The following SIPA1L1 variants were observed in gnomAD, a reference collection of about 807,000 sequenced individuals.
SIPA1L1 encodes signal-induced proliferation-associated 1-like protein 1.
SIPA1L1 carries 26 observed loss-of-function variants against 162.7 expected under a neutral mutation model. The ratio of observed to expected loss-of-function variants is 0.16; its 90% confidence interval spans 0.12 to 0.22. SIPA1L1 has a LOEUF of 0.22. SIPA1L1 is among the 10% of genes least tolerant of loss of function. SIPA1L1 has a pLI of 1.00. For synonymous variants in SIPA1L1, 829 were observed against 837.4 expected (o/e 0.99, Z 0.17); for missense variants, 1,874 against 2,241.0 (o/e 0.84, Z 3.31).
At chr14:71,636,454 A>G (rs148092316) in intron 7 of SIPA1L1, among the ~76,000 whole-genome samples, 209 of 152,378 alleles carry the variant, frequency 1.4e-3, no homozygotes, top group Non-Finnish European at 2.5e-3. Flanking sequence ...AGTAGGTCAA[A>G]GAAAACACTT....
chr14:71,700,995 A>C (rs1161128945), intron 14 of SIPA1L1, among the ~76,000 whole-genome samples: 1 of 16,758 alleles, frequency 6.0e-5, no homozygotes. Context: ...ACTCCGTCTC[A>C]AAAAAAAAAA....
chr14:71,340,292 G>A (rs2035517352), intron 2 of SIPA1L1, among the ~76,000 whole-genome samples: 1 of 151,668 alleles, frequency 6.6e-6, no homozygotes, highest in Admixed American at 6.6e-5. Flanking sequence ...CAGAGTTGGT[G>A]TGTGACCCAT....
intron 3 of SIPA1L1, among the ~76,000 whole-genome samples, chr14:71,518,181 G>A (rs2051933877): frequency 6.6e-6 from 1 of 152,052 alleles, no homozygotes; most frequent in Non-Finnish European, 1.5e-5. Context: ...TTACTTGGGA[G>A]GCTGAGGTGG....
At chr14:71,608,748 A>G (rs906177955) in intron 5 of SIPA1L1, among the ~76,000 whole-genome samples, 2 of 152,036 alleles carry the variant, frequency 1.3e-5, no homozygotes, top group African/African-American at 4.8e-5. Context: ...TACAGAGGTA[A>G]GCCGGGCGTG....
chr14:71,588,822 G>A lies in SIPA1L1; in HGVS notation c.950G>A (p.Arg317Gln), dbSNP rs373864402. ...AAGTCATCAGATCTTGAAGATAACC[G>A]ATCAGAAGACTCTGTCAGGCCCTGG... The part of the protein sequence containing the change: ...LGKSSDLEDN[R>Q]SEDSVRPWTC... The change falls in exon 5 of 24, where the codon CGA becomes CAA. Residue 317 changes from arginine (R) to glutamine (Q), a missense_variant. Coordinates refer to ENST00000381232, the MANE Select transcript of SIPA1L1 (RefSeq NM_001386936.1). This position sits in a 1 kb window ranked among gnomAD's most constrained non-coding sequence, Gnocchi z 4.3. The A allele has an allele frequency of 1.4e-5, 23 of 1,613,960 alleles. No individual in the cohort carries two copies. Among genetic ancestry groups the A allele is most frequent in the African/African-American group, 5.3e-5 (4 of 74,918 alleles).
At chr14:71,607,140 C>G (rs1387527719) in intron 5 of SIPA1L1, among the ~76,000 whole-genome samples, 1 of 151,572 alleles carries the variant, frequency 6.6e-6, no homozygotes, top group Non-Finnish European at 1.5e-5. Flanking sequence ...AGATAATGTC[C>G]TGGAACAAAG....
intron 5 of SIPA1L1, among the ~76,000 whole-genome samples, chr14:71,600,696 A>G (rs916680290): frequency 4.6e-5 from 7 of 152,204 alleles, no homozygotes; most frequent in Admixed American, 2.6e-4. Flanking sequence ...TTTAATGATA[A>G]TAATTCTTCC....
At chr14:71,592,244 C>CA (rs1423410836) in intron 5 of SIPA1L1, among the ~76,000 whole-genome samples, 1 of 152,142 alleles carries the variant, frequency 6.6e-6, no homozygotes, top group African/African-American at 2.4e-5. Flanking sequence ...GTCAGACAGG[C>CA]AATTTGTTAC....
intron 16 of SIPA1L1, among the ~76,000 whole-genome samples, 166 bp downstream of exon 16, chr14:71,705,506 T>A (rs1326047825): frequency 6.6e-6 from 1 of 152,146 alleles, no homozygotes; most frequent in Non-Finnish European, 1.5e-5. Context: ...CCATGGCCTT[T>A]AGATTGCTTT....
At chr14:71,624,940 T>C (rs888467811) in intron 7 of SIPA1L1, among the ~76,000 whole-genome samples, 24 of 152,210 alleles carry the variant, frequency 1.6e-4, no homozygotes, top group African/African-American at 5.8e-4. Context: ...GGGCCAATTT[T>C]ATAGATAATA....
chr14:71,631,592 CATT>C (rs1410581407), intron 7 of SIPA1L1, among the ~76,000 whole-genome samples: 2 of 152,142 alleles, frequency 1.3e-5, no homozygotes, highest in Admixed American at 6.5e-5. Flanking sequence ...TGCACAATAA[CATT>C]ATTAGGTAAA....
At chr14:71,374,599 T>A (rs1042905811) in intron 2 of SIPA1L1, among the ~76,000 whole-genome samples, 2 of 151,954 alleles carry the variant, frequency 1.3e-5, no homozygotes, top group African/African-American at 4.8e-5. Context: ...TCATGCCTGG[T>A]TTAAATTGTA....
intron 7 of SIPA1L1, among the ~76,000 whole-genome samples, chr14:71,627,252 G>C (rs1181738456): frequency 1.4e-5 from 2 of 142,580 alleles, no homozygotes; most frequent in Admixed American, 1.5e-4. Context: ...TCTGCCTCCC[G>C]GGCTCAAGCA....
chr14:71,724,757 C>G lies in SIPA1L1; in HGVS notation c.4536C>G (p.Ser1512=). Residue 1512 remains serine (S), a synonymous_variant, in exon 19 of 24, where the codon TCC becomes TCG. Coordinates refer to ENST00000381232, the MANE Select transcript of SIPA1L1 (RefSeq NM_001386936.1). ...TCCGGGCATCTCCTAAGCCAACCTC[C>G]AAGTCCACCATTGAAGAAGATCTAA... ...RDLRASPKPT[S]KSTIEEDLKK... is the part of the protein sequence containing the mutation. 1 of 1,614,132 alleles carries G rather than the reference C, an allele frequency of 6.2e-7. No individual in the cohort carries two copies. The highest frequency in any genetic ancestry group is 8.5e-7 in the Non-Finnish European group (1 of 1,179,984).
rs2046205395 is a variant in SIPA1L1, at chr14:71,685,434, G to A, written c.3177G>A (p.Lys1059=). 1 of 1,614,204 alleles carries A rather than the reference G, an allele frequency of 6.2e-7. No homozygotes were observed. The highest frequency in any genetic ancestry group is 8.5e-7 in the Non-Finnish European group (1 of 1,180,030). The part of the protein sequence containing the change: ...KMNEGVSYEF[K]FPFRNNNKWQ... ...ATGAAGGTGTTTCATACGAATTCAA[G>A]TTTCCCTTCCGAAATAATAACAAGT... is the stretch of plus-strand genomic sequence containing the variant. The change falls in exon 13 of 24, where the codon AAG becomes AAA. Residue 1059 remains lysine, a synonymous_variant. Transcript: ENST00000381232.
At chr14:71,530,931 T>C (rs2053383718) in intron 4 of SIPA1L1, among the ~76,000 whole-genome samples, 1 of 152,224 alleles carries the variant, frequency 6.6e-6, no homozygotes, top group African/African-American at 2.4e-5. Flanking sequence ...AAATCTGTTC[T>C]TAGGTACTTG....
chr14:71,380,269 T>G (rs1344888906), intron 2 of SIPA1L1, among the ~76,000 whole-genome samples: 1 of 152,270 alleles, frequency 6.6e-6, no homozygotes, highest in Non-Finnish European at 1.5e-5. Flanking sequence ...TAAATGGTTC[T>G]TGTAGATAAC....
rs74376193 is a variant in SIPA1L1, at chr14:71,345,149, G to A, written c.-465+23968G>A. ...GAGTCAATTTGGGTATTTTCCTGGC[G>A]TAGTTTGCTACCTACCCACCTTAGT... On this transcript the variant is annotated intron_variant, in intron 2 of 23. Coordinates refer to ENST00000381232, the MANE Select transcript of SIPA1L1 (RefSeq NM_001386936.1). Among the ~76,000 whole-genome samples, 52 of 152,264 alleles carry A rather than the reference G, an allele frequency of 3.4e-4. No homozygotes were observed. In the East Asian group the frequency reaches 6.8e-3, roughly 20 times the overall value.
chr14:71,619,862 C>A (rs1292374076), intron 6 of SIPA1L1, among the ~76,000 whole-genome samples: 1 of 152,078 alleles, frequency 6.6e-6, no homozygotes, highest in Non-Finnish European at 1.5e-5. Context: ...AAAGACAAGA[C>A]TTAAATATCT....
Sources: allele counts gnomAD v4.1 joint callset (sites outside exome capture counted in the v4.1 genomes callset), GRCh38; gene constraint gnomAD v4.1.1; non-coding constraint Gnocchi (gnomAD v3.1); transcripts MANE v1.5; gene names NCBI Gene and HGNC (gene_info 2026-07-23, HGNC 2026-07-21).